The following SYNPR variants were observed in gnomAD, a reference collection of about 807,000 sequenced individuals.
The protein encoded by SYNPR is synaptoporin.
In SYNPR, 23 loss-of-function variants were observed where a neutral mutation model predicts 32.9. The ratio of observed to expected loss-of-function variants is 0.70; its 90% CI spans 0.50 to 0.99. SYNPR has a LOEUF of 0.99. SYNPR is among the 50% of genes least tolerant of loss of function. The probability of loss-of-function intolerance (pLI) is 0.00; values close to 1 mark genes in which losing one functional copy is unlikely to be tolerated. For synonymous variants in SYNPR, 146 were observed against 135.9 expected, an observed-to-expected ratio of 1.07 and a Z score of -0.52; for missense variants, 318 against 349.3, an observed-to-expected ratio of 0.91 and a Z score of 0.71.
chr3:63,263,216 AT>A (rs1703140473), intron 2 of SYNPR, among the ~76,000 whole-genome samples: 1 of 152,116 alleles, frequency 6.6e-6, no homozygotes, highest in South Asian at 2.1e-4. Flanking sequence ...TGTTTGTTCA[AT>A]TTTTTGGAAA....
intron 4 of SYNPR, among the ~76,000 whole-genome samples, chr3:63,559,538 G>A (rs1702648897): frequency 6.6e-6 from 1 of 152,076 alleles, no homozygotes; most frequent in Admixed American, 6.6e-5. Context: ...CTATTATAGA[G>A]ATCTGAACCT....
At chr3:63,609,024 A>C in intron 4 of SYNPR, 101 bp from the exon 5 acceptor site, 1 of 1,255,342 alleles carries the variant, frequency 8.0e-7, no homozygotes, top group South Asian at 1.6e-5. Context: ...GGGATCTTAA[A>C]ATTTTCCAAA....
At chr3:63,371,102 C>A (rs895802544) in intron 2 of SYNPR, among the ~76,000 whole-genome samples, 3 of 152,066 alleles carry the variant, frequency 2.0e-5, no homozygotes, top group Admixed American at 6.6e-5. Context: ...GACAACCACC[C>A]ACCTGGGATG....
chr3:63,503,248 T>G (rs1701518065), intron 3 of SYNPR, among the ~76,000 whole-genome samples: 1 of 152,198 alleles, frequency 6.6e-6, no homozygotes, highest in African/African-American at 2.4e-5. Context: ...CTGCATATCT[T>G]CTTTGGTGAG....
chr3:63,383,594 G>A (rs950249094), intron 2 of SYNPR, among the ~76,000 whole-genome samples: 2 of 152,140 alleles, frequency 1.3e-5, no homozygotes, highest in East Asian at 1.9e-4. Context: ...GCAGTGAGCC[G>A]AGATAGAACC....
chr3:63,486,329 A>G (rs1161050045), intron 3 of SYNPR, among the ~76,000 whole-genome samples: 1 of 152,198 alleles, frequency 6.6e-6, no homozygotes, highest in African/African-American at 2.4e-5. Flanking sequence ...ACCCAATGAC[A>G]AATGTGAGTT....
intron 2 of SYNPR, among the ~76,000 whole-genome samples, chr3:63,415,813 A>G (rs948994789): frequency 1.3e-5 from 2 of 152,216 alleles, no homozygotes; most frequent in Admixed American, 6.5e-5. Flanking sequence ...CCTGCAGCAA[A>G]TTGCAACACA....
chr3:63,481,994 G>A (rs928294298), intron 3 of SYNPR, among the ~76,000 whole-genome samples: 2 of 151,266 alleles, frequency 1.3e-5, no homozygotes, highest in African/African-American at 4.8e-5. Flanking sequence ...TTAAAAGTCA[G>A]CAAGTCTCTA....
chr3:63,561,922 A>T (rs1359783558), intron 4 of SYNPR, among the ~76,000 whole-genome samples: 1 of 152,198 alleles, frequency 6.6e-6, no homozygotes, highest in African/African-American at 2.4e-5. Flanking sequence ...CTTTAAGTAA[A>T]AATGAGAATC....
At chr3:63,398,109 T>C (rs886963567) in intron 2 of SYNPR, among the ~76,000 whole-genome samples, 6 of 152,206 alleles carry the variant, frequency 3.9e-5, no homozygotes, top group Non-Finnish European at 8.8e-5. Context: ...GTGAATACTT[T>C]ACTTCTGGGG....
At chr3:63,354,692 C>T (rs555950160) in intron 2 of SYNPR, among the ~76,000 whole-genome samples, 50 of 152,274 alleles carry the variant, frequency 3.3e-4, no homozygotes, top group Middle Eastern at 3.4e-3. Flanking sequence ...CTTACAAAGA[C>T]GCCTGACATA....
chr3:63,231,544 T>C (rs531766705), intron 1 of SYNPR, among the ~76,000 whole-genome samples: 1 of 152,050 alleles, frequency 6.6e-6, no homozygotes, highest in African/African-American at 2.4e-5. Flanking sequence ...CCCAATTAAA[T>C]TCTTAAGTCT....
chr3:63,551,868 G>C (rs1461386591), intron 3 of SYNPR, among the ~76,000 whole-genome samples: 1 of 131,960 alleles, frequency 7.6e-6, no homozygotes, highest in Non-Finnish European at 1.6e-5. Context: ...CCAGCATCTA[G>C]CTATTTATTT....
intron 3 of SYNPR, among the ~76,000 whole-genome samples, chr3:63,512,272 C>T (rs1243625328): frequency 6.6e-6 from 1 of 152,086 alleles, no homozygotes; most frequent in Non-Finnish European, 1.5e-5. Flanking sequence ...CTCATTTTCC[C>T]AACCTCAGTG....
intron 3 of SYNPR, among the ~76,000 whole-genome samples, chr3:63,519,283 C>G (rs1192845090): frequency 6.6e-6 from 1 of 152,078 alleles, no homozygotes; most frequent in South Asian, 2.1e-4. Flanking sequence ...AATTCTGGCA[C>G]CATATAATTG....
intron 2 of SYNPR, among the ~76,000 whole-genome samples, chr3:63,255,727 A>C (rs2887077): frequency 0.84 from 127,350 of 152,092 alleles, 53,942 homozygotes; most frequent in African/African-American, 0.91. Flanking sequence ...GTTCATCTCA[A>C]TGGGAAGTGT....
At chr3:63,370,745 G>A (rs1011138128) in intron 2 of SYNPR, among the ~76,000 whole-genome samples, 30 of 152,230 alleles carry the variant, frequency 2.0e-4, no homozygotes, top group East Asian at 3.9e-4. Context: ...ATCCAGACCC[G>A]CTGGAGACAG....
rs151156721 is a variant in SYNPR, at chr3:63,569,871, G to A, written c.408+13130G>A. Among the ~76,000 whole-genome samples, 386 of 152,238 alleles carry A rather than the reference G, an allele frequency of 2.5e-3. 3 individuals carry two copies. The highest frequency in any genetic ancestry group is 9.0e-3 in the African/African-American group (375 of 41,548). Reference sequence around the variant, plus strand: ...GCATCCTGGGGTATCTGCAATGCCCGCAGTTCTGTATGTGGCAACCCAGCA... The same window carrying A: ...GCATCCTGGGGTATCTGCAATGCCCACAGTTCTGTATGTGGCAACCCAGCA... On this transcript the variant is annotated intron_variant, in intron 4 of 5. Transcript: ENST00000478300.
chr3:63,503,734 A>G (rs1701529305), intron 3 of SYNPR, among the ~76,000 whole-genome samples: 1 of 152,114 alleles, frequency 6.6e-6, no homozygotes, highest in African/African-American at 2.4e-5. Flanking sequence ...ATTAAAAAGT[A>G]TAGAAGAGTA....
Sources: allele counts gnomAD v4.1 joint callset (sites outside exome capture counted in the v4.1 genomes callset), GRCh38; gene constraint gnomAD v4.1.1; transcripts MANE v1.5; gene names NCBI Gene and HGNC (gene_info 2026-07-23, HGNC 2026-07-21).